QDPR: variants seen among roughly 807,000 people sequenced by gnomAD.
The protein encoded by QDPR is quinoid dihydropteridine reductase.
Under a neutral mutation model 31.7 loss-of-function variants are expected in QDPR, and 23 were observed. That is an observed-to-expected ratio of 0.73 (90% confidence interval 0.52 to 1.03). The LOEUF is 1.03. Ranked by LOEUF, QDPR falls within the 50% of genes least tolerant of loss-of-function variation. The pLI, the probability that QDPR is intolerant of heterozygous loss-of-function variation, is 0.00. For synonymous variants in QDPR, 124 were observed against 124.7 expected, an observed-to-expected ratio of 0.99 and a Z score of 0.03; for missense variants, 324 against 323.8, an observed-to-expected ratio of 1.00 and a Z score of 0.00.
At chr4:17,504,109 A>C (rs1718666464) in intron 3 of QDPR, among the ~76,000 whole-genome samples, 1 of 152,180 alleles carries the variant, frequency 6.6e-6, no homozygotes, top group Non-Finnish European at 1.5e-5. Flanking sequence ...TGAATAGCAC[A>C]TGGCCTGGGG....
rs1441104345 is a variant in QDPR, at chr4:17,487,054, C to T, written c.*77G>A. The T allele has an allele frequency of 5.1e-6, 6 of 1,185,600 alleles. No individual in the cohort carries two copies. The African/African-American group carries it at 9.0e-5, about 18-fold the overall frequency. The allele number at this position is 1,185,600 out of a possible 1,614,324, so 73.4% of individuals were successfully genotyped here. A position where few individuals can be genotyped will look rare whatever the true frequency, so the allele number is the denominator to read the frequency against. ...TACCACAAACAGGGGTTACAGAAAA[C>T]ACAAGGCTGGACAAGGCCACACTGA... is the stretch of plus-strand genomic sequence containing the variant. On this transcript the variant is annotated 3_prime_UTR_variant, in exon 7 of 7. Transcript: ENST00000281243.
chr4:17,493,431 A>C (rs1450924647), intron 4 of QDPR, among the ~76,000 whole-genome samples: 1 of 152,138 alleles, frequency 6.6e-6, no homozygotes, highest in African/African-American at 2.4e-5. Flanking sequence ...GCTCAGTCTC[A>C]CAAGACCTAC....
At chr4:17,508,371 A>G (rs1353194503) in intron 2 of QDPR, among the ~76,000 whole-genome samples, 1 of 152,242 alleles carries the variant, frequency 6.6e-6, no homozygotes. Flanking sequence ...TCCGGGAGGC[A>G]GAGGTGGCAG....
At position 17,495,000 on chromosome 4, in the gene QDPR, G is replaced by A. The variant is rs941416632; in HGVS notation, c.437-2660C>T. ...GGAGGGAGCCCAGCCTGGTGTAGGA[G>A]GGGCTTTGCTCAGCACCTTGCCAGG... is the stretch of plus-strand genomic sequence containing the variant. On this transcript the variant is annotated intron_variant, in intron 4 of 6. Coordinates refer to ENST00000281243, the MANE Select transcript of QDPR (RefSeq NM_000320.3). Among the ~76,000 whole-genome samples the A allele has an allele frequency of 2.0e-5, 3 of 152,286 alleles. 1 individual carries two copies. The highest frequency in any genetic ancestry group is 4.1e-4 in the South Asian group (2 of 4,826).
Position 17,491,908 on chromosome 4 carries a change from G to A in QDPR, c.545+324C>T, listed in dbSNP as rs148910342. Among the ~76,000 whole-genome samples, 18 of 152,240 alleles carry A rather than the reference G, an allele frequency of 1.2e-4. No individual in the cohort carries two copies. In the East Asian group the frequency reaches 1.9e-3, roughly 16 times the overall value. On this transcript the variant is annotated intron_variant, in intron 5 of 6. Coordinates refer to ENST00000281243, the MANE Select transcript of QDPR (RefSeq NM_000320.3). The stretch of plus-strand genomic sequence containing the variant: ...AGGGAGCCCATTTGCCCCTTCCACC[G>A]TGTGAGCACATATAGAAGGCGCCAT...
chr4:17,505,247 T>TTC (rs1553875446), intron 2 of QDPR, among the ~76,000 whole-genome samples: 30 of 146,084 alleles, frequency 2.1e-4, no homozygotes, highest in African/African-American at 7.3e-4. Context: ...AGATTTCTTT[T>TTC]TTTTTTTTTT....
rs536914278 is a variant in QDPR, at chr4:17,494,907, T to C, written c.437-2567A>G. On this transcript the variant is annotated intron_variant, in intron 4 of 6. Transcript: ENST00000281243. Reference sequence around the variant, plus strand: ...TTTATTCACAAGGCTCTGCTGAGGATGGAAGGAGACTGCATCCAACAAGGG... The same window carrying C: ...TTTATTCACAAGGCTCTGCTGAGGACGGAAGGAGACTGCATCCAACAAGGG... 5.3e-5 allele frequency among the ~76,000 whole-genome samples: 8 copies of C among 152,282 alleles called. No individual in the cohort carries two copies. The East Asian group carries it at 1.5e-3, about 29-fold the overall frequency.
chr4:17,501,447 C>CA (rs1226595500), intron 4 of QDPR, among the ~76,000 whole-genome samples: 1 of 152,106 alleles, frequency 6.6e-6, no homozygotes, highest in Non-Finnish European at 1.5e-5. Context: ...CTAAACCATT[C>CA]ATTCCAGTGT....
At chr4:17,503,750 G>A (rs535637707) in intron 3 of QDPR, among the ~76,000 whole-genome samples, 1 of 152,326 alleles carries the variant, frequency 6.6e-6, no homozygotes, top group South Asian at 2.1e-4. Context: ...AGGAGTTCAA[G>A]ACCAGCCTGG....
intron 6 of QDPR, 95 bp downstream of exon 6, chr4:17,490,567 C>T (rs1237355771): frequency 1.4e-5 from 14 of 1,036,986 alleles, no homozygotes; most frequent in South Asian, 1.1e-4. Context: ...CCCGGATTGA[C>T]GATCTCAGGG....
intron 3 of QDPR, among the ~76,000 whole-genome samples, chr4:17,503,779 G>A (rs544209838): frequency 2.2e-4 from 34 of 152,150 alleles, no homozygotes; most frequent in Admixed American, 8.5e-4. Context: ...GTGAAACCCC[G>A]TCTCTACTAA....
At chr4:17,492,566 A>G in intron 4 of QDPR, 1 of 576,498 alleles carries the variant, frequency 1.7e-6, no homozygotes, top group Non-Finnish European at 3.1e-6. Context: ...GCCTCTGGCC[A>G]GTTTCCAAGA....
chr4:17,492,799 G>A (rs1449378268), intron 4 of QDPR, among the ~76,000 whole-genome samples: 1 of 152,216 alleles, frequency 6.6e-6, no homozygotes, highest in African/African-American at 2.4e-5. Flanking sequence ...AAGACAGGTT[G>A]AGTACATGCC....
At position 17,504,765 on chromosome 4, in the gene QDPR, G is replaced by A. The variant is rs191903413; in HGVS notation, c.199-290C>T. Among the ~76,000 whole-genome samples, 229 of 151,354 alleles carry A rather than the reference G, an allele frequency of 1.5e-3. 2 individuals carry two copies. Among genetic ancestry groups the A allele is most frequent in the African/African-American group, 5.4e-3 (223 of 41,042 alleles). On this transcript the variant is annotated intron_variant, in intron 2 of 6. Transcript: ENST00000281243. ...GAAATACAACAATTAATAAATAAAAGTAGGGAAAGGTTAAAAAAAAAAGAA... is the reference window on the plus strand; with the variant it reads ...GAAATACAACAATTAATAAATAAAAATAGGGAAAGGTTAAAAAAAAAAGAA...
intron 4 of QDPR, among the ~76,000 whole-genome samples, chr4:17,500,633 C>T (rs1464995947): frequency 6.6e-6 from 1 of 152,168 alleles, no homozygotes; most frequent in East Asian, 1.9e-4. Flanking sequence ...AGGAGCCAGC[C>T]CTGCAGATAC....
chr4:17,509,173 T>C (rs546072104), intron 2 of QDPR, 98 bp downstream of exon 2: 8 of 1,004,296 alleles, frequency 8.0e-6, no homozygotes, highest in African/African-American at 4.8e-5. Flanking sequence ...AAAAAAGAAA[T>C]AAAAGGAAGA....
intron 4 of QDPR, among the ~76,000 whole-genome samples, chr4:17,494,181 A>T (rs534610399): frequency 2.0e-5 from 3 of 152,292 alleles, no homozygotes; most frequent in Middle Eastern, 3.4e-3. Context: ...TACAACAATC[A>T]AATAAAATAC....
intron 4 of QDPR, among the ~76,000 whole-genome samples, chr4:17,493,435 G>T (rs917719616): frequency 6.6e-6 from 1 of 152,146 alleles, no homozygotes; most frequent in Admixed American, 6.6e-5. Context: ...AGTCTCACAA[G>T]ACCTACCCTA....
At chr4:17,492,387 G>C in intron 4 of QDPR, 47 bp from the exon 5 acceptor site, 1 of 1,388,786 alleles carries the variant, frequency 7.2e-7, no homozygotes, top group Non-Finnish European at 1.0e-6. Flanking sequence ...GCGGCCAGGG[G>C]GACAGCAAGG....
Sources: gnomAD v4.1 joint callset for allele counts (sites outside exome capture counted in the v4.1 genomes callset) on GRCh38, gnomAD v4.1.1 for gene constraint, MANE v1.5 for transcripts, NCBI Gene and HGNC (gene_info 2026-07-23, HGNC 2026-07-21) for gene names.